The following SEMA6D variants were observed in gnomAD, a reference collection of about 807,000 sequenced individuals.
The protein encoded by SEMA6D is semaphorin-6D.
SEMA6D carries 35 observed loss-of-function variants against 106.6 expected under a neutral mutation model. The ratio of observed to expected loss-of-function variants is 0.33; its 90% CI spans 0.25 to 0.44. The LOEUF is 0.44. Ranked by LOEUF, SEMA6D falls within the 20% of genes least tolerant of loss-of-function variation. The pLI is 1.00. For synonymous variants in SEMA6D, 499 were observed against 487.7 expected (o/e 1.02, Z -0.31); for missense variants, 1,185 against 1,345.9 (o/e 0.88, Z 1.87).
rs202186547 is a variant in SEMA6D, at chr15:47,761,363, C to G, written c.379C>G (p.Pro127Ala). The G allele has an allele frequency of 6.2e-7, 1 of 1,613,274 alleles. No homozygotes were observed. Among genetic ancestry groups the G allele is most frequent in the East Asian group, 2.2e-5 (1 of 44,820 alleles). The change falls in exon 6 of 19, where the codon CCA becomes GCA. Residue 127 changes from proline to alanine, a missense_variant. Physicochemically the swap from Pro to Ala is conservative, Grantham distance 27. This residue lies in a region of SEMA6D where 291 missense variants were observed against 423.8 expected (regional missense o/e 0.69). Coordinates refer to ENST00000536845, the MANE Select transcript of SEMA6D (RefSeq NM_001358351.3). ...CCACAACTTTATCAAAGTATTTGTT[C>G]CAAGAAACGATGAGATGGTTTTTGT... ...ECHNFIKVFVPRNDEMVFVCG... is the reference protein window; with the variant it reads ...ECHNFIKVFVARNDEMVFVCG...
intron 4 of SEMA6D, among the ~76,000 whole-genome samples, chr15:47,658,944 G>A (rs2573571): frequency 0.78 from 118,145 of 151,936 alleles, 45,994 homozygotes; most frequent in East Asian, 0.86. Context: ...GGTAAAGAAT[G>A]TGCTTAACAA....
In SEMA6D at chr15:47,761,240, G is replaced by C; in HGVS notation, c.345+20G>C. ...CATAAAGTGAGTGAAACAGAAAAAT[G>C]TCTGCTAGATTTAGTCTTTCTGTGG... On this transcript the variant is annotated intron_variant, in intron 5 of 18. Transcript: ENST00000536845. The C allele has an allele frequency of 6.2e-7, 1 of 1,613,278 alleles. No homozygotes were observed. The highest frequency in any genetic ancestry group is 8.5e-7 in the Non-Finnish European group (1 of 1,179,544).
At chr15:47,587,271 C>T in intron 3 of SEMA6D, among the ~76,000 whole-genome samples, 1 of 151,174 alleles carries the variant, frequency 6.6e-6, no homozygotes, top group African/African-American at 2.4e-5. Flanking sequence ...AAAGTGGTCC[C>T]ATCACCTCCT....
intron 3 of SEMA6D, among the ~76,000 whole-genome samples, chr15:47,534,694 G>A (rs749773187): frequency 6.6e-6 from 1 of 152,092 alleles, no homozygotes; most frequent in Non-Finnish European, 1.5e-5. Flanking sequence ...TCGGGGATTT[G>A]AGATTCTTGA....
intron 4 of SEMA6D, among the ~76,000 whole-genome samples, chr15:47,675,781 G>T (rs548929368): frequency 6.6e-6 from 1 of 152,174 alleles, no homozygotes; most frequent in Non-Finnish European, 1.5e-5. Flanking sequence ...CTTCTGTGGT[G>T]GTTCTGGGCT....
chr15:47,215,051 A>T (rs1483251107), intron 1 of SEMA6D, among the ~76,000 whole-genome samples: 1 of 151,648 alleles, frequency 6.6e-6, no homozygotes, highest in Non-Finnish European at 1.5e-5. Context: ...AACAGACCTA[A>T]GCTTCATTCT....
chr15:47,706,251 T>A (rs746553548), intron 4 of SEMA6D, among the ~76,000 whole-genome samples: 2 of 152,360 alleles, frequency 1.3e-5, no homozygotes, highest in African/African-American at 2.4e-5. Context: ...CTTGGATTGC[T>A]GTTATACATA....
chr15:47,442,930 C>A (rs142394231), intron 2 of SEMA6D, among the ~76,000 whole-genome samples: 1 of 152,112 alleles, frequency 6.6e-6, no homozygotes, highest in Non-Finnish European at 1.5e-5. Context: ...TTGTCCCCTT[C>A]CCTCTAAGCC....
chr15:47,297,212 T>C (rs1214456814), intron 1 of SEMA6D, among the ~76,000 whole-genome samples: 1 of 152,204 alleles, frequency 6.6e-6, no homozygotes, highest in Non-Finnish European at 1.5e-5. Context: ...ATATTTGTCT[T>C]GGAATATTTA....
At chr15:47,381,009 C>T (rs374317534) in intron 1 of SEMA6D, among the ~76,000 whole-genome samples, 2 of 152,162 alleles carry the variant, frequency 1.3e-5, no homozygotes, top group African/African-American at 4.8e-5. Context: ...AATTAAAAAA[C>T]AAGAAAAACA....
intron 2 of SEMA6D, among the ~76,000 whole-genome samples, chr15:47,465,991 T>G (rs2201670): frequency 0.37 from 55,449 of 151,790 alleles, 10,808 homozygotes; most frequent in African/African-American, 0.51. Context: ...ATAAAGAAAA[T>G]AATGTGTTTT....
At chr15:47,327,894 G>A (rs183984587) in intron 1 of SEMA6D, among the ~76,000 whole-genome samples, 1 of 152,148 alleles carries the variant, frequency 6.6e-6, no homozygotes, top group Non-Finnish European at 1.5e-5. Flanking sequence ...CAGGATCAAG[G>A]TACTATTAAT....
rs184643370 is a variant in SEMA6D at position 47,365,035 on chromosome 15, G to A, written c.-238-47358G>A. Among the ~76,000 whole-genome samples the A allele has an allele frequency of 7.7e-4, 117 of 152,270 alleles. 1 individual carries two copies. Among genetic ancestry groups the A allele is most frequent in the Non-Finnish European group, 5.4e-4 (37 of 68,028 alleles). ...GATGGCAGGCAGCAAGATAACAAAA[G>A]GGAAGTTGGGAGGAAATTAAAAGCA... On this transcript the variant is annotated intron_variant, in intron 1 of 19. Coordinates refer to the SEMA6D transcript ENST00000558014.
intron 3 of SEMA6D, among the ~76,000 whole-genome samples, chr15:47,537,889 G>A (rs112875207): frequency 0.011 from 1,718 of 152,352 alleles, 38 homozygotes; most frequent in African/African-American, 0.039. Flanking sequence ...GGTTTCGAAT[G>A]TGTGGAGAGT....
intron 3 of SEMA6D, among the ~76,000 whole-genome samples, chr15:47,572,289 T>TTTA: frequency 6.6e-6 from 1 of 152,360 alleles, no homozygotes; most frequent in Middle Eastern, 3.4e-3. Flanking sequence ...TTTGAAAGAC[T>TTTA]TTATATCAGC....
chr15:47,725,673 G>T (rs1321904789), intron 1 of SEMA6D, among the ~76,000 whole-genome samples: 1 of 152,080 alleles, frequency 6.6e-6, no homozygotes, highest in African/African-American at 2.4e-5. Context: ...TCAATCCATG[G>T]TTAAGTTTAA....
chr15:47,451,750 T>G (rs1293185463), intron 2 of SEMA6D, among the ~76,000 whole-genome samples: 3 of 151,936 alleles, frequency 2.0e-5, no homozygotes, highest in Non-Finnish European at 4.4e-5. Flanking sequence ...TCTCAATTAT[T>G]AAATAAACCC....
At chr15:47,544,328 C>T (rs1363808250) in intron 3 of SEMA6D, among the ~76,000 whole-genome samples, 2 of 152,102 alleles carry the variant, frequency 1.3e-5, no homozygotes, top group Non-Finnish European at 2.9e-5. Context: ...TTTGGGTTAA[C>T]ACTAATACTC....
intron 1 of SEMA6D, among the ~76,000 whole-genome samples, chr15:47,720,460 G>T (rs1198787008): frequency 6.6e-6 from 1 of 151,814 alleles, no homozygotes; most frequent in East Asian, 1.9e-4. Context: ...GTCTCCCCTG[G>T]TTTGATGGGT....
Sources: allele counts gnomAD v4.1 joint callset (sites outside exome capture counted in the v4.1 genomes callset), GRCh38; gene constraint gnomAD v4.1.1; regional missense constraint gnomAD v4.1.1; transcripts MANE v1.5; gene names NCBI Gene and HGNC (gene_info 2026-07-23, HGNC 2026-07-21).